FAM107B: variants seen among roughly 807,000 people sequenced by gnomAD.
FAM107B encodes the protein protein FAM107B.
In FAM107B, 21 loss-of-function variants were observed where a neutral mutation model predicts 31.5. The observed-to-expected ratio is 0.67, with a 90% CI of 0.47 to 0.96. FAM107B has a LOEUF of 0.96. Ranked by LOEUF, FAM107B falls within the 40% of genes least tolerant of loss-of-function variation. The pLI, the probability that FAM107B is intolerant of heterozygous loss-of-function variation, is 0.00. For missense variants in FAM107B, 452 were observed against 377.1 expected, an observed-to-expected ratio of 1.20 and a Z score of -1.64; for synonymous variants, 157 against 141.5, an observed-to-expected ratio of 1.11 and a Z score of -0.78.
intron 2 of FAM107B, among the ~76,000 whole-genome samples, chr10:14,605,613 G>A (rs898093020): frequency 6.6e-6 from 1 of 152,142 alleles, no homozygotes; most frequent in Non-Finnish European, 1.5e-5. Context: ...GCCAAGTAAG[G>A]GTCTGGCCAT....
intron 2 of FAM107B, among the ~76,000 whole-genome samples, chr10:14,533,235 G>A (rs774597458): frequency 1.1e-4 from 16 of 152,134 alleles, no homozygotes; most frequent in African/African-American, 2.4e-4. Context: ...TTAGACTCAC[G>A]CAGCAGCAGC....
chr10:14,589,733 G>A (rs1851956765), intron 2 of FAM107B, among the ~76,000 whole-genome samples: 1 of 151,962 alleles, frequency 6.6e-6, no homozygotes, highest in Non-Finnish European at 1.5e-5. Context: ...AGATTGATGG[G>A]TGCGCCAAAC....
chr10:14,540,274 T>C (rs1848046494), intron 2 of FAM107B, among the ~76,000 whole-genome samples: 1 of 152,234 alleles, frequency 6.6e-6, no homozygotes, highest in South Asian at 2.1e-4. Context: ...TCAGGTGTTT[T>C]TTCTGGTAAG....
At chr10:14,662,929 C>T (rs1854285513) in intron 2 of FAM107B, among the ~76,000 whole-genome samples, 1 of 152,150 alleles carries the variant, frequency 6.6e-6, no homozygotes, top group South Asian at 2.1e-4. Context: ...GCAGACCCAC[C>T]CTCAATCTGG....
At chr10:14,654,390 T>C (rs951425034) in intron 2 of FAM107B, among the ~76,000 whole-genome samples, 5 of 152,238 alleles carry the variant, frequency 3.3e-5, no homozygotes, top group Non-Finnish European at 2.9e-5. Flanking sequence ...TTAACCCTAA[T>C]TATTAATTAC....
intron 2 of FAM107B, among the ~76,000 whole-genome samples, chr10:14,614,830 A>C (rs1194095266): frequency 2.6e-5 from 4 of 152,090 alleles, no homozygotes; most frequent in African/African-American, 7.2e-5. Flanking sequence ...CGCTGCTACC[A>C]GGTTACACGA....
chr10:14,763,553 G>A (rs1833100566), intron 1 of FAM107B, among the ~76,000 whole-genome samples: 2 of 152,200 alleles, frequency 1.3e-5, no homozygotes, highest in Admixed American at 6.5e-5. Context: ...AGTCACTTCT[G>A]CCTATAGAGA....
At chr10:14,747,571 G>C (rs56154459) in intron 1 of FAM107B, among the ~76,000 whole-genome samples, 7,002 of 152,174 alleles carry the variant, frequency 0.046, 457 homozygotes, top group East Asian at 0.16. Flanking sequence ...GCTGCAGTTT[G>C]CTGGGGGTCC....
At chr10:14,731,724 A>G (rs564884529) in intron 1 of FAM107B, among the ~76,000 whole-genome samples, 2 of 151,978 alleles carry the variant, frequency 1.3e-5, no homozygotes, top group African/African-American at 2.4e-5. Context: ...TACCTTTTCT[A>G]TGTTTAGATA....
chr10:14,659,664 G>T (rs1382258478), intron 2 of FAM107B, among the ~76,000 whole-genome samples: 1 of 152,186 alleles, frequency 6.6e-6, no homozygotes, highest in Non-Finnish European at 1.5e-5. Context: ...AGATATAGTG[G>T]GTTCTGGTGG....
intron 2 of FAM107B, among the ~76,000 whole-genome samples, chr10:14,555,473 ACTATT>A (rs57172832): frequency 1.6e-4 from 24 of 152,366 alleles, no homozygotes; most frequent in African/African-American, 5.5e-4. Context: ...TATAAAACAA[ACTATT>A]CTAAACATTT....
chr10:14,632,248 A>T (rs987785347), intron 2 of FAM107B, among the ~76,000 whole-genome samples: 1 of 141,146 alleles, frequency 7.1e-6, no homozygotes, highest in African/African-American at 2.6e-5. Context: ...CAGTGAGTGG[A>T]GATCGCGTCA....
intron 2 of FAM107B, among the ~76,000 whole-genome samples, chr10:14,531,510 G>A (rs1175088873): frequency 1.4e-5 from 2 of 138,904 alleles, no homozygotes; most frequent in Admixed American, 1.6e-4. Context: ...GACAGAGCAA[G>A]AGCAAGACCT....
At chr10:14,579,099 T>A (rs560524386) in intron 2 of FAM107B, among the ~76,000 whole-genome samples, 5 of 152,262 alleles carry the variant, frequency 3.3e-5, no homozygotes, top group Non-Finnish European at 5.9e-5. Flanking sequence ...ATTCGTTGTA[T>A]GAAGCACTCG....
chr10:14,659,199 G>A (rs1483994375), intron 2 of FAM107B, among the ~76,000 whole-genome samples: 1 of 152,058 alleles, frequency 6.6e-6, no homozygotes, highest in Non-Finnish European at 1.5e-5. Flanking sequence ...CTAGCACTTT[G>A]GGAGGCTGAG....
intron 2 of FAM107B, among the ~76,000 whole-genome samples, chr10:14,646,246 T>C (rs12258720): frequency 0.044 from 6,640 of 152,256 alleles, 212 homozygotes; most frequent in African/African-American, 0.091. Flanking sequence ...ATAGATGAAT[T>C]ATATAGTGAG....
intron 3 of FAM107B, chr10:14,527,976 T>A (rs1846477440): frequency 5.8e-6 from 2 of 342,468 alleles, no homozygotes; most frequent in African/African-American, 4.6e-5. Flanking sequence ...TATATTTTCA[T>A]TTCATTTTGA....
intron 1 of FAM107B, among the ~76,000 whole-genome samples, chr10:14,683,339 G>A (rs1343221967): frequency 1.3e-5 from 2 of 152,216 alleles, no homozygotes. Flanking sequence ...GCAACGGAAT[G>A]AGTGATTGTT....
intron 1 of FAM107B, among the ~76,000 whole-genome samples, chr10:14,674,792 T>C (rs1369831271): frequency 6.6e-6 from 1 of 152,164 alleles, no homozygotes; most frequent in Non-Finnish European, 1.5e-5. Context: ...TGGAGTGCAG[T>C]GGTACAATCT....
Sources: allele counts gnomAD v4.1 joint callset (sites outside exome capture counted in the v4.1 genomes callset), GRCh38; gene constraint gnomAD v4.1.1; transcripts MANE v1.5; gene names NCBI Gene and HGNC (gene_info 2026-07-23, HGNC 2026-07-21).